Variants in CRPPA observed in about 807,000 individuals in gnomAD.
CRPPA encodes the protein CDP-L-ribitol pyrophosphorylase A.
In CRPPA, 43 loss-of-function variants were observed where a neutral mutation model predicts 52.0. That is an observed-to-expected ratio of 0.83 (90% CI 0.65 to 1.07). The LOEUF is 1.07. CRPPA is among the 50% of genes least tolerant of loss of function. The pLI, the probability that CRPPA is intolerant of heterozygous loss-of-function variation, is 0.00. For missense variants in CRPPA, 629 were observed against 551.7 expected (o/e 1.14, Z -1.40); for synonymous variants, 250 against 203.5 (o/e 1.23, Z -1.94).
chr7:16,158,041 ATTT>A (rs750989831), intron 9 of CRPPA, among the ~76,000 whole-genome samples: 1 of 136,740 alleles, frequency 7.3e-6, no homozygotes, highest in Non-Finnish European at 1.6e-5. Flanking sequence ...CGCCCAGCTA[ATTT>A]TTTTTTTTTT....
At chr7:16,246,601 T>C (rs1289953070) in intron 8 of CRPPA, among the ~76,000 whole-genome samples, 2 of 152,236 alleles carry the variant, frequency 1.3e-5, no homozygotes, top group East Asian at 3.8e-4. Context: ...CTCCTTGATT[T>C]ATAAGCTGAC....
At chr7:16,255,114 T>C (rs189132618) in intron 8 of CRPPA, among the ~76,000 whole-genome samples, 93 of 152,236 alleles carry the variant, frequency 6.1e-4, no homozygotes, top group Non-Finnish European at 8.7e-4. Context: ...AAAATCAACG[T>C]GCAAAAATCA....
intron 5 of CRPPA, among the ~76,000 whole-genome samples, chr7:16,296,265 G>A (rs1784673232): frequency 6.6e-6 from 1 of 152,068 alleles, no homozygotes; most frequent in South Asian, 2.1e-4. Context: ...CTAGTCAAAA[G>A]CATGCCTTGA....
chr7:16,222,641 T>C (rs940911846), intron 8 of CRPPA, among the ~76,000 whole-genome samples: 1 of 152,044 alleles, frequency 6.6e-6, no homozygotes, highest in Non-Finnish European at 1.5e-5. Flanking sequence ...GATTATCCAG[T>C]TAAGTAAATT....
intron 3 of CRPPA, among the ~76,000 whole-genome samples, chr7:16,316,044 A>C (rs1007921064): frequency 6.6e-6 from 1 of 152,130 alleles, no homozygotes; most frequent in Admixed American, 6.6e-5. Flanking sequence ...GAAGTCCCCC[A>C]TGCACTCTTT....
intron 3 of CRPPA, among the ~76,000 whole-genome samples, chr7:16,321,873 T>C (rs1785273374): frequency 6.6e-6 from 1 of 152,090 alleles, no homozygotes; most frequent in Non-Finnish European, 1.5e-5. Flanking sequence ...TGCCAGGCAA[T>C]ATACTAAGTC....
intron 3 of CRPPA, among the ~76,000 whole-genome samples, chr7:16,347,561 A>C (rs374993336): frequency 1.5e-4 from 23 of 152,278 alleles, no homozygotes; most frequent in African/African-American, 5.3e-4. Context: ...GAGAATTAGC[A>C]ATATGGCAGA....
At chr7:16,368,285 T>C (rs1258744216) in intron 3 of CRPPA, among the ~76,000 whole-genome samples, 1 of 152,244 alleles carries the variant, frequency 6.6e-6, no homozygotes, top group Non-Finnish European at 1.5e-5. Flanking sequence ...ATTTGTATTA[T>C]TCTTTTGTTA....
At chr7:16,269,582 G>A (rs546679162) in intron 6 of CRPPA, 1 of 152,168 alleles carries the variant, frequency 6.6e-6, no homozygotes, top group Non-Finnish European at 1.5e-5. Flanking sequence ...GCCAACGTAA[G>A]AGAGAAAGGT....
intron 3 of CRPPA, among the ~76,000 whole-genome samples, chr7:16,330,087 A>T (rs1473543560): frequency 6.6e-6 from 1 of 152,228 alleles, no homozygotes; most frequent in Admixed American, 6.5e-5. Flanking sequence ...GAAGATCACA[A>T]TGAAATGTAT....
intron 9 of CRPPA, among the ~76,000 whole-genome samples, chr7:16,164,203 C>G (rs1462154802): frequency 6.6e-6 from 1 of 152,050 alleles, no homozygotes; most frequent in Non-Finnish European, 1.5e-5. Flanking sequence ...GGCTTTGTTC[C>G]TTACTTTTCA....
chr7:16,297,366 GA>G (rs991954648), intron 5 of CRPPA, among the ~76,000 whole-genome samples: 2 of 151,926 alleles, frequency 1.3e-5, no homozygotes, highest in African/African-American at 4.8e-5. Context: ...GTTTTAAAAG[GA>G]AAAAAACAAT....
intron 9 of CRPPA, among the ~76,000 whole-genome samples, chr7:16,135,568 A>G (rs1056501208): frequency 5.9e-5 from 9 of 152,182 alleles, no homozygotes; most frequent in Non-Finnish European, 1.0e-4. Context: ...TAAAAAGGCC[A>G]GAGGGAAGGT....
chr7:16,147,897 A>G (rs980538025), intron 9 of CRPPA, among the ~76,000 whole-genome samples: 2 of 152,152 alleles, frequency 1.3e-5, no homozygotes, highest in Non-Finnish European at 1.5e-5. Flanking sequence ...TATTAATACA[A>G]TGATGATTTG....
chr7:16,368,632 T>C (rs1393140078), intron 3 of CRPPA, among the ~76,000 whole-genome samples: 1 of 152,222 alleles, frequency 6.6e-6, no homozygotes, highest in African/African-American at 2.4e-5. Context: ...CAACTTTATA[T>C]ATTAGTTTCT....
At chr7:16,137,326 A>G (rs573832258) in intron 9 of CRPPA, among the ~76,000 whole-genome samples, 2 of 152,348 alleles carry the variant, frequency 1.3e-5, no homozygotes, top group Non-Finnish European at 2.9e-5. Flanking sequence ...AGCTTCCAAA[A>G]CTACAAGAAA....
intron 3 of CRPPA, among the ~76,000 whole-genome samples, chr7:16,343,571 T>G (rs987872729): frequency 6.6e-6 from 1 of 151,508 alleles, no homozygotes; most frequent in Non-Finnish European, 1.5e-5. Context: ...CTGCAGCATT[T>G]TCTTGGAGGC....
chr7:16,258,509 A>G (rs368842767), intron 7 of CRPPA, 27 bp from the exon 8 acceptor site: 10 of 1,384,232 alleles, frequency 7.2e-6, no homozygotes, highest in East Asian at 2.3e-5. Context: ...ATAAAAGGAT[A>G]TGAGAAGACG....
At chr7:16,232,776 A>G (rs1782839179) in intron 8 of CRPPA, among the ~76,000 whole-genome samples, 1 of 152,194 alleles carries the variant, frequency 6.6e-6, no homozygotes, top group African/African-American at 2.4e-5. Flanking sequence ...ATAAGAATAC[A>G]AAAACATCCA....
Sources: allele counts gnomAD v4.1 joint callset (sites outside exome capture counted in the v4.1 genomes callset), GRCh38; gene constraint gnomAD v4.1.1; transcripts MANE v1.5; gene names NCBI Gene and HGNC (gene_info 2026-07-23, HGNC 2026-07-21).